Variants in TMEM127 observed in about 807,000 individuals in gnomAD.
The protein encoded by TMEM127 is transmembrane protein 127.
TMEM127 carries 21 observed loss-of-function variants against 20.1 expected under a neutral mutation model. The ratio of observed to expected loss-of-function variants is 1.04; its 90% CI spans 0.74 to 1.50. The LOEUF (loss-of-function observed/expected upper bound fraction) is 1.50, where lower values mean the gene tolerates loss of function less well. TMEM127 is among the 40% of genes most tolerant of loss of function. The pLI is 0.00. For missense variants in TMEM127, 303 were observed against 317.4 expected (o/e 0.95, Z 0.34); for synonymous variants, 150 against 144.7 (o/e 1.04, Z -0.26).
rs1684096961 is a variant in TMEM127 at position 96,251,783 on chromosome 2, A to C, written c.*2025T>G. The C allele has an allele frequency of 4.3e-6, 1 of 233,126 alleles. No individual in the cohort carries two copies. The highest frequency in any genetic ancestry group is 6.0e-5 in the East Asian group (1 of 16,532). The allele number at this position is 233,126 out of a possible 1,614,324, so 14.4% of individuals were successfully genotyped here. A position where few individuals can be genotyped will look rare whatever the true frequency, so the allele number is the denominator to read the frequency against. ...GCAGAGGGAAAGAGAAAGAAGAGGA[A>C]GGCCAAAGACATGGGGAGTGAATAA... On this transcript the variant is annotated 3_prime_UTR_variant, in exon 4 of 4. Coordinates refer to ENST00000258439, the MANE Select transcript of TMEM127 (RefSeq NM_017849.4).
In TMEM127 at chr2:96,254,109, T is replaced by C; in HGVS notation, c.416A>G (p.Gln139Arg). 1.9e-6 allele frequency: 3 copies of C among 1,613,890 alleles called. No homozygotes were observed. The highest frequency in any genetic ancestry group is 2.5e-6 in the Non-Finnish European group (3 of 1,180,022). ...YAFAHILTVLQCATVIGFSYW... is the reference protein window; with the variant it reads ...YAFAHILTVLRCATVIGFSYW... ...AGAAAAGCCAATGACGGTGGCACAC[T>C]GCAGAACTAGGAGACAGAGGGACAG... Residue 139 changes from glutamine to arginine, a missense_variant, in exon 4 of 4, where the codon CAG (glutamine) becomes CGG (arginine). Physicochemically the swap from Gln to Arg is conservative, Grantham distance 43. Coordinates refer to ENST00000258439, the MANE Select transcript of TMEM127 (RefSeq NM_017849.4).
rs988323352 is a variant in TMEM127, at chr2:96,253,244, T to G, written c.*564A>C. The G allele has an allele frequency of 4.3e-6, 1 of 234,696 alleles. No individual in the cohort carries two copies. Among genetic ancestry groups the G allele is most frequent in the Non-Finnish European group, 8.4e-6 (1 of 118,884 alleles). 14.5% of individuals were successfully genotyped at this position (234,696 alleles called of 1,614,324 possible). On this transcript the variant is annotated 3_prime_UTR_variant, in exon 4 of 4. Coordinates refer to ENST00000258439, the MANE Select transcript of TMEM127 (RefSeq NM_017849.4). The surrounding 1 kb of genome is among the most constrained non-coding windows in gnomAD (Gnocchi z 4.3). ...CTGCCTTCCCAACAGCGATTCCCTC[T>G]CCCCATAAAACCAGGGCACACGTGA...
chr2:96,254,685 C>T, intron 3 of TMEM127, 148 bp downstream of exon 3: 1 of 1,086,970 alleles, frequency 9.2e-7, no homozygotes, highest in Non-Finnish European at 1.4e-6. Context: ...TGCTGACACC[C>T]TGACACTCTG....
In TMEM127 at chr2:96,265,391, C is replaced by G. The variant is rs973218710; in HGVS notation, c.-10G>C. ...CTCCGGGGGCGTACATGCCCGGGGC[C>G]GCCCGCCGTCGCTCCGCAGTCGCTG... is the stretch of plus-strand genomic sequence containing the variant. On this transcript the variant is annotated 5_prime_UTR_variant, in exon 2 of 4. Transcript: ENST00000258439. The G allele has an allele frequency of 3.7e-6, 5 of 1,367,790 alleles. No individual in the cohort carries two copies. In the East Asian group the frequency reaches 1.5e-4, roughly 42 times the overall value. 84.7% of individuals were successfully genotyped at this position (1,367,790 alleles called of 1,614,324 possible).
At position 96,254,862 on chromosome 2, in the gene TMEM127, C is replaced by T. The variant is rs777665433; in HGVS notation, c.380G>A (p.Arg127His). ...GPKHPALKITRRYAFAHILTV... is the reference protein window; with the variant it reads ...GPKHPALKITHRYAFAHILTV... Reference sequence around the variant, plus strand: ...TAGGATATGGGCGAAGGCATAGCGACGAGTGATCTTCAGAGCAGGATGCTT... The same window carrying T: ...TAGGATATGGGCGAAGGCATAGCGATGAGTGATCTTCAGAGCAGGATGCTT... The change falls in exon 3 of 4, where the codon CGT (arginine) becomes CAT (histidine). Residue 127 changes from arginine to histidine, a missense_variant. By Grantham distance (29) the Arg-to-His change is conservative. Coordinates refer to ENST00000258439, the MANE Select transcript of TMEM127 (RefSeq NM_017849.4). The T allele has an allele frequency of 3.7e-6, 6 of 1,614,070 alleles. 1 individual carries two copies. The highest frequency in any genetic ancestry group is 1.7e-4 in the Middle Eastern group (1 of 6,060).
In TMEM127 at chr2:96,250,907, C is replaced by T. The variant is rs989553374; in HGVS notation, c.*2901G>A. 1 of 229,420 alleles carries T rather than the reference C, an allele frequency of 4.4e-6. No individual in the cohort carries two copies. The highest frequency in any genetic ancestry group is 2.2e-5 in the African/African-American group (1 of 45,094). The allele number at this position is 229,420 out of a possible 1,614,324, so 14.2% of individuals were successfully genotyped here. On this transcript the variant is annotated 3_prime_UTR_variant, in exon 4 of 4. Coordinates refer to ENST00000258439, the MANE Select transcript of TMEM127 (RefSeq NM_017849.4). ...CAGAAAATAAAGACAGAAAAACACA[C>T]AAATTATTAAATAAAATTTAAACAA...
chr2:96,262,023 A>C (rs1684320970), intron 2 of TMEM127, among the ~76,000 whole-genome samples: 1 of 152,080 alleles, frequency 6.6e-6, no homozygotes, highest in Non-Finnish European at 1.5e-5. Context: ...CACTTTAGGA[A>C]GCCAAGGTGG....
chr2:96,254,864 A>G lies in TMEM127; in HGVS notation c.378T>C (p.Thr126=), dbSNP rs770922577. 1.2e-6 allele frequency: 2 copies of G among 1,614,080 alleles called. No homozygotes were observed. Among genetic ancestry groups the G allele is most frequent in the Non-Finnish European group, 1.7e-6 (2 of 1,179,960 alleles). ...GGATATGGGCGAAGGCATAGCGACG[A>G]GTGATCTTCAGAGCAGGATGCTTCG... ...FGPKHPALKI[T]RRYAFAHILT... Residue 126 remains threonine, a synonymous_variant, in exon 3 of 4, where the codon ACT becomes ACC. Transcript: ENST00000258439.
chr2:96,265,337 C>A lies in TMEM127; in HGVS notation c.45G>T (p.Arg15=). 8 of 1,508,434 alleles carry A rather than the reference C, an allele frequency of 5.3e-6. No individual in the cohort carries two copies. Among genetic ancestry groups the A allele is most frequent in the Non-Finnish European group, 7.1e-6 (8 of 1,133,366 alleles). 93.4% of individuals were successfully genotyped at this position (1,508,434 alleles called of 1,614,324 possible). A position where few individuals can be genotyped will look rare whatever the true frequency, so the allele number is the denominator to read the frequency against. Reference sequence around the variant, plus strand: ...GCAGAGCGCTGCCTCCCGGGCTCCTCCGCCGGCGCCCGCCGGGCAGCCCTG... The same window carrying A: ...GCAGAGCGCTGCCTCCCGGGCTCCTACGCCGGCGCCCGCCGGGCAGCCCTG... ...GGAGLPGGRR[R]RSPGGSALPK... Residue 15 remains arginine, a synonymous_variant, in exon 2 of 4, where the codon CGG becomes CGT. Transcript: ENST00000258439.
Position 96,265,416 on chromosome 2 carries a change from GC to G in TMEM127, c.-36del, listed in dbSNP as rs1186511754. On this transcript the variant is annotated 5_prime_UTR_variant, in exon 2 of 4. Transcript: ENST00000258439. ...CGCCCGCCGTCGCTCCGCAGTCGCT[GC>G]TGGTCGCCGCCGACCTCCGCGGGGC... 7.5e-7 allele frequency: 1 copy of G among 1,336,714 alleles called. No individual in the cohort carries two copies. The highest frequency in any genetic ancestry group is 3.1e-5 in the East Asian group (1 of 32,104). The allele number at this position is 1,336,714 out of a possible 1,614,324, so 82.8% of individuals were successfully genotyped here. A position where few individuals can be genotyped will look rare whatever the true frequency, so the allele number is the denominator to read the frequency against.
At position 96,257,635 on chromosome 2, in the gene TMEM127, C is replaced by T. The variant is rs13415055; in HGVS notation, c.245-2638G>A. On this transcript the variant is annotated intron_variant, in intron 2 of 3. Coordinates refer to ENST00000258439, the MANE Select transcript of TMEM127 (RefSeq NM_017849.4). ...CTTTCATAAAAAGTAGAAATGGGGT[C>T]GGGCATGGTGGCTCACGCCTGTAAT... is the stretch of plus-strand genomic sequence containing the variant. Among the ~76,000 whole-genome samples, 809 of 152,128 alleles carry T rather than the reference C, an allele frequency of 5.3e-3. 10 individuals are homozygous for T. Among genetic ancestry groups the T allele is most frequent in the African/African-American group, 0.019 (775 of 41,494 alleles).
rs1684035063 is a variant in TMEM127, at chr2:96,249,096, G to A, written c.*4712C>T. 4.4e-6 allele frequency: 1 copy of A among 229,736 alleles called. No individual in the cohort carries two copies. Among genetic ancestry groups the A allele is most frequent in the Non-Finnish European group, 8.6e-6 (1 of 116,166 alleles). 14.2% of individuals were successfully genotyped at this position (229,736 alleles called of 1,614,324 possible). A position where few individuals can be genotyped will look rare whatever the true frequency, so the allele number is the denominator to read the frequency against. On this transcript the variant is annotated 3_prime_UTR_variant, in exon 4 of 4. Coordinates refer to ENST00000258439, the MANE Select transcript of TMEM127 (RefSeq NM_017849.4). ...GAACCTGTGTGTGTGTGTGTGGTGT[G>A]TGTGTGTGTGTGTGTGTGTGTTTGA...
At chr2:96,257,448 G>A (rs1005212151) in intron 2 of TMEM127, among the ~76,000 whole-genome samples, 25 of 151,874 alleles carry the variant, frequency 1.6e-4, no homozygotes, top group Middle Eastern at 3.2e-3. Context: ...GCGACAGAGC[G>A]AGACTCCATC....
At chr2:96,254,602 C>T (rs1192852991) in intron 3 of TMEM127, among the ~76,000 whole-genome samples, 1 of 152,202 alleles carries the variant, frequency 6.6e-6, no homozygotes, top group Non-Finnish European at 1.5e-5. Context: ...GAATTTCTAG[C>T]AACATTTCCC....
At position 96,251,897 on chromosome 2, in the gene TMEM127, T is replaced by C. The variant is rs1684099965; in HGVS notation, c.*1911A>G. On this transcript the variant is annotated 3_prime_UTR_variant, in exon 4 of 4. Coordinates refer to ENST00000258439, the MANE Select transcript of TMEM127 (RefSeq NM_017849.4). Reference sequence around the variant, plus strand: ...CAGTCCCTTTGGCATGCAGGTCCAGTGCCTGGTCTTCTGGTCTGCCTGCTC... The same window carrying C: ...CAGTCCCTTTGGCATGCAGGTCCAGCGCCTGGTCTTCTGGTCTGCCTGCTC... 4.3e-6 allele frequency: 1 copy of C among 233,210 alleles called. No homozygotes were observed. The highest frequency in any genetic ancestry group is 2.2e-5 in the African/African-American group (1 of 45,334). 14.4% of individuals were successfully genotyped at this position (233,210 alleles called of 1,614,324 possible).
intron 2 of TMEM127, among the ~76,000 whole-genome samples, chr2:96,256,640 A>G (rs950489475): frequency 6.6e-6 from 1 of 152,140 alleles, no homozygotes; most frequent in African/African-American, 2.4e-5. Context: ...AATTTTAAAA[A>G]AAAGTAAAAT....
chr2:96,257,326 G>GC, intron 2 of TMEM127, among the ~76,000 whole-genome samples: 1 of 152,044 alleles, frequency 6.6e-6, no homozygotes, highest in Non-Finnish European at 1.5e-5. Flanking sequence ...GCCGGCCGTG[G>GC]TGGCGCGCGC....
In TMEM127 at chr2:96,251,508, CGA is replaced by C. The variant is rs1161801519; in HGVS notation, c.*2298_*2299del. 1.8e-5 allele frequency: 4 copies of C among 224,334 alleles called. No homozygotes were observed. Among genetic ancestry groups the C allele is most frequent in the Non-Finnish European group, 3.6e-5 (4 of 112,520 alleles). The allele number at this position is 224,334 out of a possible 1,614,324, so 13.9% of individuals were successfully genotyped here. On this transcript the variant is annotated 3_prime_UTR_variant, in exon 4 of 4. Coordinates refer to ENST00000258439, the MANE Select transcript of TMEM127 (RefSeq NM_017849.4). ...TTACACTCCAGCCCGGGTGACAGAG[CGA>C]GACTCTTGTCTCAAAAACAAGAAAA...
rs1440084338 is a variant in TMEM127 at position 96,251,687 on chromosome 2, CT to C, written c.*2120del. The C allele has an allele frequency of 4.3e-6, 1 of 232,004 alleles. No homozygotes were observed. Among genetic ancestry groups the C allele is most frequent in the Non-Finnish European group, 8.5e-6 (1 of 117,194 alleles). The allele number at this position is 232,004 out of a possible 1,614,324, so 14.4% of individuals were successfully genotyped here. A position where few individuals can be genotyped will look rare whatever the true frequency, so the allele number is the denominator to read the frequency against. On this transcript the variant is annotated 3_prime_UTR_variant, in exon 4 of 4. Coordinates refer to ENST00000258439, the MANE Select transcript of TMEM127 (RefSeq NM_017849.4). The stretch of plus-strand genomic sequence containing the variant: ...TCTGGTTTTTTTGGTTTTGTTTTCC[CT>C]TTTAATTTTTTTCTAGAAAAAAAAA...
Sources: allele counts gnomAD v4.1 joint callset (sites outside exome capture counted in the v4.1 genomes callset), GRCh38; gene constraint gnomAD v4.1.1; non-coding constraint Gnocchi (gnomAD v3.1); transcripts MANE v1.5; gene names NCBI Gene and HGNC (gene_info 2026-07-23, HGNC 2026-07-21).